The following CCDC191 variants were observed in gnomAD, a reference collection of about 807,000 sequenced individuals.
The protein encoded by CCDC191 is coiled-coil domain containing 191, also known as coiled-coil domain-containing protein 191.
In CCDC191, 99 loss-of-function variants were observed where a neutral mutation model predicts 114.0. That is an observed-to-expected ratio of 0.87 (90% confidence interval 0.74 to 1.03). CCDC191 has a LOEUF of 1.03. CCDC191 is among the 50% of genes least tolerant of loss of function. The pLI, the probability that CCDC191 is intolerant of heterozygous loss-of-function variation, is 0.00. For missense variants in CCDC191, 973 were observed against 1,087.0 expected (o/e 0.90, Z 1.47); for synonymous variants, 351 against 376.0 (o/e 0.93, Z 0.77).
chr3:114,010,129 CAGTA>C lies in CCDC191; in HGVS notation c.1413+639_1413+642del, dbSNP rs200717338. The stretch of plus-strand genomic sequence containing the variant: ...AAACGTAATTTTTTTTTTAGAAGAA[CAGTA>C]AGTATTAGTATTAAGAAGGAAAAAA... On this transcript the variant is annotated intron_variant, in intron 9 of 16. Coordinates refer to ENST00000295878, the MANE Select transcript of CCDC191 (RefSeq NM_020817.2). 6.2e-3 allele frequency among the ~76,000 whole-genome samples: 931 copies of C among 151,276 alleles called. 5 individuals carry two copies. Among genetic ancestry groups the C allele is most frequent in the African/African-American group, 0.021 (859 of 41,242 alleles).
Position 114,005,672 on chromosome 3 carries a change from C to T in CCDC191, c.1704G>A (p.Lys568=). ...FQQQLIEKQK[K]KLQEQQKTIL... ...TTGTTTTCTGCTGTTCCTGAAGTTT[C>T]TTCTTTTGCTTCTCAATCAGCTGTT... is the stretch of plus-strand genomic sequence containing the variant. Residue 568 remains lysine, a synonymous_variant, in exon 10 of 17, where the codon AAG becomes AAA. Coordinates refer to ENST00000295878, the MANE Select transcript of CCDC191 (RefSeq NM_020817.2). The T allele has an allele frequency of 6.2e-7, 1 of 1,614,106 alleles. No homozygotes were observed. Among genetic ancestry groups the T allele is most frequent in the Non-Finnish European group, 8.5e-7 (1 of 1,180,004 alleles).
At chr3:113,967,099 CAAAAAAAGAAAAAAAG>C (rs55673182) in intron 16 of CCDC191, among the ~76,000 whole-genome samples, 24 of 150,218 alleles carry the variant, frequency 1.6e-4, no homozygotes, top group Non-Finnish European at 2.5e-4. Context: ...ACTCTTGTCT[CAAAAAAAGAAAAAAAG>C]AAAAAAAGAA....
At chr3:114,038,314 A>G (rs1257082934) in intron 4 of CCDC191, among the ~76,000 whole-genome samples, 1 of 152,182 alleles carries the variant, frequency 6.6e-6, no homozygotes, top group Non-Finnish European at 1.5e-5. Context: ...TCCATCAACA[A>G]TGGACTGCGT....
In CCDC191 at chr3:113,980,914, A is replaced by G; in HGVS notation, c.2164-121T>C. 3.4e-6 allele frequency: 3 copies of G among 891,210 alleles called. No individual in the cohort carries two copies. The South Asian group carries it at 4.7e-5, about 14-fold the overall frequency. The allele number at this position is 891,210 out of a possible 1,614,324, so 55.2% of individuals were successfully genotyped here. ...TGAATGGTGTGTTAATCATGATAAC[A>G]GAGCTCTGGATAATAGGGCTTTTTC... is the stretch of plus-strand genomic sequence containing the variant. On this transcript the variant is annotated intron_variant, in intron 13 of 16. Transcript: ENST00000295878.
intron 13 of CCDC191, among the ~76,000 whole-genome samples, chr3:113,993,754 G>A (rs1369379122): frequency 1.3e-5 from 2 of 152,058 alleles, no homozygotes; most frequent in African/African-American, 4.8e-5. Flanking sequence ...GCATGGTGGT[G>A]TGTGCCTGTA....
intron 2 of CCDC191, among the ~76,000 whole-genome samples, chr3:114,051,414 T>C (rs759425284): frequency 2.6e-5 from 4 of 152,168 alleles, no homozygotes; most frequent in South Asian, 2.1e-4. Context: ...ATCAATCTGA[T>C]CTACCTATTT....
At chr3:114,027,624 A>AAAAAAAAAAAG (rs1559920022) in intron 7 of CCDC191, among the ~76,000 whole-genome samples, 2 of 130,960 alleles carry the variant, frequency 1.5e-5, no homozygotes, top group Non-Finnish European at 3.3e-5. Flanking sequence ...AAAAAAAAAG[A>AAAAAAAAAAAG]AAAAAAAATC....
In CCDC191 at chr3:114,036,835, T is replaced by G. The variant is rs1007488947; in HGVS notation, c.416-49A>C. ...AAGGGAATTTTTTTAAAAAATTAATTTTAGTATTATATTCATATTTACATA... is the reference window on the plus strand; with the variant it reads ...AAGGGAATTTTTTTAAAAAATTAATGTTAGTATTATATTCATATTTACATA... On this transcript the variant is annotated intron_variant, in intron 4 of 16. Coordinates refer to ENST00000295878, the MANE Select transcript of CCDC191 (RefSeq NM_020817.2). 3 of 1,238,664 alleles carry G rather than the reference T, an allele frequency of 2.4e-6. No individual in the cohort carries two copies. The African/African-American group carries it at 4.7e-5, about 19-fold the overall frequency. 76.7% of individuals were successfully genotyped at this position (1,238,664 alleles called of 1,614,324 possible).
At chr3:113,978,405 C>A (rs771162002) in intron 15 of CCDC191, 74 bp from the exon 16 acceptor site, 320 of 1,442,858 alleles carry the variant, frequency 2.2e-4, no homozygotes, top group Non-Finnish European at 3.0e-4. Context: ...ATAAACAGCA[C>A]AAAAGACAGA....
intron 16 of CCDC191, among the ~76,000 whole-genome samples, chr3:113,969,514 T>G (rs562780669): frequency 5.3e-5 from 8 of 152,192 alleles, no homozygotes; most frequent in Admixed American, 4.6e-4. Context: ...CCATTTGGAT[T>G]TGATTTTTGT....
Position 113,978,988 on chromosome 3 carries a change from A to G in CCDC191, c.2330T>C (p.Leu777Ser), listed in dbSNP as rs1425457136. The G allele has an allele frequency of 1.2e-6, 2 of 1,613,988 alleles. No individual in the cohort carries two copies. Among genetic ancestry groups the G allele is most frequent in the Admixed American group, 3.3e-5 (2 of 59,970 alleles). ...NIQVAEEHYSLFLQRKYMLTW... is the reference protein window; with the variant it reads ...NIQVAEEHYSSFLQRKYMLTW... ...CAGCATGTATTTCCTCTGCAGGAAC[A>G]AAGAGTAATGTTCTTCTGCCACCTG... The change falls in exon 15 of 17, where the codon TTG (leucine) becomes TCG (serine). Residue 777 changes from leucine (L) to serine (S), a missense_variant. Coordinates refer to ENST00000295878, the MANE Select transcript of CCDC191 (RefSeq NM_020817.2).
chr3:114,003,245 A>C lies in CCDC191; in HGVS notation c.1979-707T>G, dbSNP rs527635737. The C allele has an allele frequency of 5.4e-3, 5,359 of 985,448 alleles. 13 individuals carry two copies. Among genetic ancestry groups the C allele is most frequent in the Non-Finnish European group, 6.3e-3 (5,212 of 829,920 alleles). The allele number at this position is 985,448 out of a possible 1,614,324, so 61.0% of individuals were successfully genotyped here. A position where few individuals can be genotyped will look rare whatever the true frequency, so the allele number is the denominator to read the frequency against. Reference sequence around the variant, plus strand: ...ATAATCAGTTGGGGCTTTCATAGGAAGAGGGGCATGGATGGGAGGAGTATC... The same window carrying C: ...ATAATCAGTTGGGGCTTTCATAGGACGAGGGGCATGGATGGGAGGAGTATC... On this transcript the variant is annotated intron_variant, in intron 11 of 16. Coordinates refer to ENST00000295878, the MANE Select transcript of CCDC191 (RefSeq NM_020817.2).
chr3:114,021,827 G>A (rs1364323651), intron 7 of CCDC191, among the ~76,000 whole-genome samples: 1 of 152,092 alleles, frequency 6.6e-6, no homozygotes, highest in Non-Finnish European at 1.5e-5. Context: ...GTTTAAGCCA[G>A]GAGAACTTAA....
intron 13 of CCDC191, among the ~76,000 whole-genome samples, chr3:113,987,456 A>C (rs976032129): frequency 6.6e-6 from 1 of 152,254 alleles, no homozygotes; most frequent in Non-Finnish European, 1.5e-5. Flanking sequence ...TATAGTATAC[A>C]TAAAAATATG....
At chr3:114,047,764 C>T (rs944951536) in intron 2 of CCDC191, among the ~76,000 whole-genome samples, 2 of 151,620 alleles carry the variant, frequency 1.3e-5, no homozygotes, top group South Asian at 2.1e-4. Flanking sequence ...CACTTGAGGT[C>T]GGGAGTTCAA....
At chr3:113,976,707 C>T (rs903518135) in intron 16 of CCDC191, among the ~76,000 whole-genome samples, 6 of 151,432 alleles carry the variant, frequency 4.0e-5, no homozygotes, top group African/African-American at 1.5e-4. Context: ...ACTATAGTAC[C>T]CTGTTTAGTC....
At chr3:114,030,076 A>C (rs935056024) in intron 7 of CCDC191, among the ~76,000 whole-genome samples, 6 of 152,200 alleles carry the variant, frequency 3.9e-5, no homozygotes, top group Admixed American at 1.3e-4. Flanking sequence ...AGTTTTGATA[A>C]TTATACTATG....
chr3:114,043,752 G>A (rs943866277), intron 3 of CCDC191, among the ~76,000 whole-genome samples: 8 of 152,162 alleles, frequency 5.3e-5, no homozygotes, highest in African/African-American at 1.9e-4. Context: ...TGGGAAACAA[G>A]TATAATAATC....
intron 13 of CCDC191, among the ~76,000 whole-genome samples, chr3:113,981,810 A>G (rs554721812): frequency 1.3e-5 from 2 of 152,190 alleles, no homozygotes; most frequent in Non-Finnish European, 2.9e-5. Context: ...ATTTCTGTGA[A>G]AGCTCTGAAA....
Sources: gnomAD v4.1 joint callset for allele counts (sites outside exome capture counted in the v4.1 genomes callset) on GRCh38, gnomAD v4.1.1 for gene constraint, MANE v1.5 for transcripts, NCBI Gene and HGNC (gene_info 2026-07-23, HGNC 2026-07-21) for gene names.